SLC26A7: variants seen among roughly 807,000 people sequenced by gnomAD.
SLC26A7 encodes the protein solute carrier family 26 member 7, also known as anion exchange transporter.
Under a neutral mutation model 82.5 loss-of-function variants are expected in SLC26A7, and 59 were observed. The observed-to-expected ratio is 0.72, with a 90% CI of 0.58 to 0.89. The LOEUF (loss-of-function observed/expected upper bound fraction) is 0.89, where lower values mean the gene tolerates loss of function less well. Among genes scored for constraint, SLC26A7 ranks in the 40% least tolerant of loss-of-function variants. The probability of loss-of-function intolerance (pLI) is 0.00; values close to 1 mark genes in which losing one functional copy is unlikely to be tolerated. For missense variants in SLC26A7, 820 were observed against 793.0 expected (o/e 1.03, Z -0.41); for synonymous variants, 271 against 274.3 (o/e 0.99, Z 0.12).
chr8:91,218,875 A>G (rs756387308), intron 1 of SLC26A7: 66 of 1,483,400 alleles, frequency 4.4e-5, no homozygotes, highest in East Asian at 4.9e-5. Context: ...TTTATTTTTA[A>G]TCTTTACTTT....
intron 11 of SLC26A7, among the ~76,000 whole-genome samples, chr8:91,359,684 G>A (rs1813992445): frequency 1.3e-5 from 2 of 152,126 alleles, no homozygotes; most frequent in African/African-American, 4.8e-5. Context: ...ATTCAGCAGA[G>A]AAAAGCCATG....
Position 91,317,178 on chromosome 8 carries a change from A to T in SLC26A7, c.478-1038A>T, listed in dbSNP as rs186398467. On this transcript the variant is annotated intron_variant, in intron 4 of 18. Transcript: ENST00000276609. Reference sequence around the variant, plus strand: ...TTATCTAAAAAAAAAGAAAAAGGAAAAAAGAGAAGAGTTTTGCTGCTTCCT... The same window carrying T: ...TTATCTAAAAAAAAAGAAAAAGGAATAAAGAGAAGAGTTTTGCTGCTTCCT... Among the ~76,000 whole-genome samples the T allele has an allele frequency of 2.7e-3, 415 of 151,876 alleles. 7 individuals carry two copies. The highest frequency in any genetic ancestry group is 0.027 in the South Asian group (129 of 4,794).
chr8:91,301,871 G>A (rs1563668471), intron 4 of SLC26A7, among the ~76,000 whole-genome samples: 2 of 151,458 alleles, frequency 1.3e-5, no homozygotes, highest in East Asian at 1.9e-4. Context: ...TGTTTGAAAT[G>A]TATTCTGTTG....
intron 4 of SLC26A7, among the ~76,000 whole-genome samples, chr8:91,310,703 A>G (rs1812456952): frequency 6.6e-6 from 1 of 152,158 alleles, no homozygotes; most frequent in Admixed American, 6.5e-5. Context: ...TCAAGTGAGC[A>G]TGCATATGAC....
At chr8:91,333,914 G>A (rs894299658) in intron 5 of SLC26A7, among the ~76,000 whole-genome samples, 12 of 152,104 alleles carry the variant, frequency 7.9e-5, no homozygotes, top group African/African-American at 2.9e-4. Context: ...TGCTTCTGGG[G>A]TTTGAGGAGG....
intron 2 of SLC26A7, among the ~76,000 whole-genome samples, chr8:91,282,159 G>T (rs1811591372): frequency 6.6e-6 from 1 of 152,058 alleles, no homozygotes; most frequent in African/African-American, 2.4e-5. Flanking sequence ...TGTTCTCTCA[G>T]CACCTACATC....
chr8:91,282,045 C>T (rs538160492), intron 2 of SLC26A7, among the ~76,000 whole-genome samples: 49 of 152,196 alleles, frequency 3.2e-4, no homozygotes, highest in African/African-American at 1.1e-3. Flanking sequence ...CATCATTTTT[C>T]GTTCAGGTGT....
At chr8:91,307,981 G>A (rs1812369489) in intron 4 of SLC26A7, among the ~76,000 whole-genome samples, 1 of 152,176 alleles carries the variant, frequency 6.6e-6, no homozygotes, top group South Asian at 2.1e-4. Context: ...TTATAAGCAT[G>A]AGCCACCATG....
chr8:91,340,433 A>G lies in SLC26A7; in HGVS notation c.908A>G (p.Asn303Ser), dbSNP rs1368743845. ...GIPSPRAPPM[N>S]ILSAVITEAF... ...CCCTCACCTAGAGCTCCCCCGATGA[A>G]CATCCTCTCTGCGGTGATCACTGAA... The change falls in exon 8 of 19, where the codon AAC (asparagine) becomes AGC (serine). Residue 303 changes from asparagine to serine, a missense_variant. By Grantham distance (46) the Asn-to-Ser change is conservative (BLOSUM62 1). Coordinates refer to ENST00000276609, the MANE Select transcript of SLC26A7 (RefSeq NM_052832.4). 1.9e-6 allele frequency: 3 copies of G among 1,613,974 alleles called. No homozygotes were observed. The highest frequency in any genetic ancestry group is 2.5e-6 in the Non-Finnish European group (3 of 1,179,898).
rs1282528946 is a variant in SLC26A7 at position 91,396,075 on chromosome 8, T to C, written c.*978T>C. 6.6e-6 allele frequency: 1 copy of C among 151,898 alleles called. No individual in the cohort carries two copies. Among genetic ancestry groups the C allele is most frequent in the Non-Finnish European group, 1.5e-5 (1 of 67,844 alleles). The allele number at this position is 151,898 out of a possible 1,614,324, so 9.4% of individuals were successfully genotyped here. A position where few individuals can be genotyped will look rare whatever the true frequency, so the allele number is the denominator to read the frequency against. On this transcript the variant is annotated 3_prime_UTR_variant, in exon 19 of 19. Transcript: ENST00000276609. Reference sequence around the variant, plus strand: ...TCTTCATAGATTTTTTTTTCTTTTGTTAGAGGAGAGCTTGATGTGATTATC... The same window carrying C: ...TCTTCATAGATTTTTTTTTCTTTTGCTAGAGGAGAGCTTGATGTGATTATC...
At chr8:91,300,471 C>T (rs1812133773) in intron 4 of SLC26A7, among the ~76,000 whole-genome samples, 1 of 151,286 alleles carries the variant, frequency 6.6e-6, no homozygotes, top group Admixed American at 6.6e-5. Context: ...GATCTCGGCT[C>T]ACTGCAAGCT....
chr8:91,273,535 A>C (rs923904856), intron 2 of SLC26A7, among the ~76,000 whole-genome samples: 32 of 152,218 alleles, frequency 2.1e-4, no homozygotes, highest in African/African-American at 6.5e-4. Context: ...CAAATGTAGC[A>C]AACTTAAAAT....
At chr8:91,217,305 G>T (rs1356066593) in intron 1 of SLC26A7, among the ~76,000 whole-genome samples, 1 of 152,168 alleles carries the variant, frequency 6.6e-6, no homozygotes, top group Admixed American at 6.5e-5. Context: ...AAGGTCCAGG[G>T]ATGAATCTGG....
chr8:91,356,568 A>T (rs1184319476), intron 11 of SLC26A7, among the ~76,000 whole-genome samples: 2 of 151,908 alleles, frequency 1.3e-5, no homozygotes, highest in African/African-American at 2.4e-5. Flanking sequence ...CCACTTTTTG[A>T]TGGGGTTGTT....
At chr8:91,239,006 C>T (rs1324800730) in intron 2 of SLC26A7, among the ~76,000 whole-genome samples, 1 of 152,010 alleles carries the variant, frequency 6.6e-6, no homozygotes, top group Non-Finnish European at 1.5e-5. Flanking sequence ...TTTATTTTGG[C>T]CCTAGTTTTA....
At chr8:91,273,630 T>A (rs1249895032) in intron 2 of SLC26A7, among the ~76,000 whole-genome samples, 5 of 152,144 alleles carry the variant, frequency 3.3e-5, no homozygotes, top group Non-Finnish European at 5.9e-5. Flanking sequence ...AATATAACAC[T>A]GGAAAATATG....
chr8:91,212,480 T>C (rs1809948205), intron 1 of SLC26A7, among the ~76,000 whole-genome samples: 1 of 152,176 alleles, frequency 6.6e-6, no homozygotes, highest in Non-Finnish European at 1.5e-5. Context: ...TCCCTATAAA[T>C]GAGTGAAAAC....
chr8:91,366,834 C>A, intron 14 of SLC26A7, 117 bp downstream of exon 14: 1 of 1,133,656 alleles, frequency 8.8e-7, no homozygotes, highest in Non-Finnish European at 1.2e-6. Context: ...CCTCTCCCTT[C>A]AGCAAAACCT....
intron 2 of SLC26A7, among the ~76,000 whole-genome samples, chr8:91,288,746 C>T (rs1393699751): frequency 2.6e-5 from 4 of 152,158 alleles, no homozygotes; most frequent in Non-Finnish European, 5.9e-5. Flanking sequence ...GGTAAATCTT[C>T]TAGTCTCGCC....
Sources: gnomAD v4.1 joint callset for allele counts (sites outside exome capture counted in the v4.1 genomes callset) on GRCh38, gnomAD v4.1.1 for gene constraint, MANE v1.5 for transcripts, NCBI Gene and HGNC (gene_info 2026-07-23, HGNC 2026-07-21) for gene names.